The following ADAMTS18 variants were observed in gnomAD, a reference collection of about 807,000 sequenced individuals.
ADAMTS18 encodes ADAM metallopeptidase with thrombospondin type 1 motif 18, also known as A disintegrin and metalloproteinase with thrombospondin motifs 18.
In ADAMTS18, 157 loss-of-function variants were observed where a neutral mutation model predicts 165.9. That is an observed-to-expected ratio of 0.95 (90% CI 0.83 to 1.08). The LOEUF (loss-of-function observed/expected upper bound fraction) is 1.08, where lower values mean the gene tolerates loss of function less well. Ranked by LOEUF, ADAMTS18 falls within the 50% of genes least tolerant of loss-of-function variation. The pLI is 0.00. For synonymous variants in ADAMTS18, 782 were observed against 578.2 expected, an observed-to-expected ratio of 1.35 and a Z score of -5.06; for missense variants, 2,040 against 1,534.0, an observed-to-expected ratio of 1.33 and a Z score of -5.51.
Position 77,359,355 on chromosome 16 carries a change from C to G in ADAMTS18, c.1285G>C (p.Gly429Arg). Residue 429 changes from glycine to arginine, a missense_variant, in exon 8 of 23, where the codon GGC becomes CGC. Physicochemically the swap from Gly to Arg is moderately radical, Grantham distance 125 (BLOSUM62 -2). Transcript: ENST00000282849. ...TCATGAGCGATGGTGAAGGCAAGGC[C>G]AAGTCCTGTGTCCTCATTGATGGTA... ...SCTINEDTGL[G>R]LAFTIAHESG... is the part of the protein sequence containing the mutation. The G allele has an allele frequency of 1.2e-6, 2 of 1,614,074 alleles. No individual in the cohort carries two copies. Among genetic ancestry groups the G allele is most frequent in the East Asian group, 4.5e-5 (2 of 44,874 alleles).
intron 3 of ADAMTS18, among the ~76,000 whole-genome samples, chr16:77,411,231 C>A (rs2057458456): frequency 6.6e-6 from 1 of 152,154 alleles, no homozygotes; most frequent in African/African-American, 2.4e-5. Context: ...CTGATCATAG[C>A]CACATGGCTG....
chr16:77,315,438 G>T (rs751265058), intron 16 of ADAMTS18, among the ~76,000 whole-genome samples: 20 of 152,192 alleles, frequency 1.3e-4, no homozygotes, highest in Non-Finnish European at 2.6e-4. Context: ...GCAACAGCAG[G>T]AAGAACAGCT....
chr16:77,385,776 G>C (rs2434888), intron 3 of ADAMTS18, among the ~76,000 whole-genome samples: 48,843 of 152,074 alleles, frequency 0.32, 9,214 homozygotes, highest in Non-Finnish European at 0.44. Context: ...GGAAGAGCCA[G>C]ACATGACCAC....
chr16:77,387,155 G>C (rs1224598596), intron 3 of ADAMTS18, among the ~76,000 whole-genome samples: 1 of 152,132 alleles, frequency 6.6e-6, no homozygotes, highest in Non-Finnish European at 1.5e-5. Flanking sequence ...TAAATGGAAT[G>C]TATGCAGTGA....
Position 77,425,907 on chromosome 16 carries a change from G to A in ADAMTS18, c.495+5388C>T, listed in dbSNP as rs895597010. ...AAAATAACAAAAAAATTAGCCAGGCGTGGTGGTGGATGCCTGTAATCCCAG... is the reference window on the plus strand; with the variant it reads ...AAAATAACAAAAAAATTAGCCAGGCATGGTGGTGGATGCCTGTAATCCCAG... On this transcript the variant is annotated intron_variant, in intron 3 of 22. Coordinates refer to ENST00000282849, the MANE Select transcript of ADAMTS18 (RefSeq NM_199355.4). Among the ~76,000 whole-genome samples the A allele has an allele frequency of 7.9e-5, 12 of 152,082 alleles. No individual in the cohort carries two copies. The South Asian group carries it at 8.3e-4, about 11-fold the overall frequency.
At position 77,364,173 on chromosome 16, in the gene ADAMTS18, G is replaced by T. The variant is rs1355842480; in HGVS notation, c.972+15C>A. The T allele has an allele frequency of 9.3e-6, 15 of 1,613,856 alleles. No individual in the cohort carries two copies. The highest frequency in any genetic ancestry group is 1.3e-5 in the Non-Finnish European group (15 of 1,179,952). ...TTCTTTGGAGAGCCAGAAGGTTTGT[G>T]ACACCCCCGCTTACCATGTTCATTA... On this transcript the variant is annotated intron_variant, in intron 5 of 22. Coordinates refer to ENST00000282849, the MANE Select transcript of ADAMTS18 (RefSeq NM_199355.4).
chr16:77,301,790 T>C (rs2144595283), intron 16 of ADAMTS18, among the ~76,000 whole-genome samples: 1 of 152,296 alleles, frequency 6.6e-6, no homozygotes. Context: ...TACACATCAG[T>C]TTGTAGAGCA....
chr16:77,358,499 T>A (rs1597166263), intron 8 of ADAMTS18, among the ~76,000 whole-genome samples: 1 of 151,838 alleles, frequency 6.6e-6, no homozygotes, highest in Admixed American at 6.6e-5. Flanking sequence ...GAGGCGGAGG[T>A]TGCAGCGAGC....
chr16:77,363,978 A>C (rs953042434), intron 5 of ADAMTS18, 93 bp from the exon 6 acceptor site: 3 of 1,305,044 alleles, frequency 2.3e-6, no homozygotes, highest in Non-Finnish European at 3.3e-6. Flanking sequence ...CGCAGGCTTT[A>C]ATTTTACCAA....
At chr16:77,297,841 C>T (rs1027907853) in intron 17 of ADAMTS18, among the ~76,000 whole-genome samples, 4 of 149,804 alleles carry the variant, frequency 2.7e-5, no homozygotes, top group Admixed American at 6.7e-5. Context: ...TTCTTAAGAG[C>T]ATGGGGCACA....
intron 22 of ADAMTS18, among the ~76,000 whole-genome samples, chr16:77,285,179 C>G (rs2055224223): frequency 6.6e-6 from 1 of 151,514 alleles, no homozygotes; most frequent in East Asian, 1.9e-4. Flanking sequence ...AGTCATTTCA[C>G]TGTTTTGTTT....
chr16:77,358,960 C>G (rs1307824850), intron 8 of ADAMTS18, among the ~76,000 whole-genome samples: 1 of 152,098 alleles, frequency 6.6e-6, no homozygotes, highest in Non-Finnish European at 1.5e-5. Context: ...AAGCAGCATG[C>G]CATTATACTT....
chr16:77,316,395 T>C (rs1432070885), intron 16 of ADAMTS18, among the ~76,000 whole-genome samples: 2 of 151,740 alleles, frequency 1.3e-5, no homozygotes, highest in African/African-American at 2.4e-5. Context: ...GCTGGGACTA[T>C]AGGCATGCGC....
chr16:77,299,889 A>C (rs1597093412), intron 17 of ADAMTS18: 1 of 158,180 alleles, frequency 6.3e-6, no homozygotes, highest in African/African-American at 2.4e-5. Flanking sequence ...TATAACTTCC[A>C]AATGGAAGGT....
intron 16 of ADAMTS18, among the ~76,000 whole-genome samples, chr16:77,308,162 G>T (rs963877263): frequency 2.6e-5 from 4 of 151,860 alleles, no homozygotes; most frequent in African/African-American, 9.7e-5. Context: ...GCTAAACATA[G>T]AGAAAAAAAT....
At chr16:77,420,086 T>G (rs146854096) in intron 3 of ADAMTS18, among the ~76,000 whole-genome samples, 2,235 of 149,704 alleles carry the variant, frequency 0.015, 28 homozygotes, top group Non-Finnish European at 0.024. Context: ...TTCGAAGCCT[T>G]TTTTTCTTCC....
chr16:77,428,465 A>G (rs1240215999), intron 3 of ADAMTS18, among the ~76,000 whole-genome samples: 1 of 152,178 alleles, frequency 6.6e-6, no homozygotes, highest in Non-Finnish European at 1.5e-5. Context: ...CTACACCCAT[A>G]ATGTGGTACT....
chr16:77,300,828 T>C (rs1260865997), intron 16 of ADAMTS18, among the ~76,000 whole-genome samples: 2 of 152,106 alleles, frequency 1.3e-5, no homozygotes, highest in African/African-American at 2.4e-5. Context: ...TGAATCTACA[T>C]ATATATATTT....
chr16:77,292,153 C>A lies in ADAMTS18; in HGVS notation c.3190-675G>T, dbSNP rs7195731. On this transcript the variant is annotated intron_variant, in intron 20 of 22. Coordinates refer to ENST00000282849, the MANE Select transcript of ADAMTS18 (RefSeq NM_199355.4). ...AAGCCTCAGCAACATGGTGAAACCA[C>A]ATCTCTATAAAAATTAGCCAGGTAT... is the stretch of plus-strand genomic sequence containing the variant. Among the ~76,000 whole-genome samples, 3 of 152,044 alleles carry A rather than the reference C, an allele frequency of 2.0e-5. No homozygotes were observed. The South Asian group carries it at 6.2e-4, about 32-fold the overall frequency.
Sources: gnomAD v4.1 joint callset for allele counts (sites outside exome capture counted in the v4.1 genomes callset) on GRCh38, gnomAD v4.1.1 for gene constraint, MANE v1.5 for transcripts, NCBI Gene and HGNC (gene_info 2026-07-23, HGNC 2026-07-21) for gene names.